Variants in SLC24A2 observed in about 807,000 individuals in gnomAD.
SLC24A2 encodes the protein sodium/potassium/calcium exchanger 2.
Under a neutral mutation model 62.0 loss-of-function variants are expected in SLC24A2, and 36 were observed. That is an observed-to-expected ratio of 0.58 (90% CI 0.44 to 0.77). SLC24A2 has a LOEUF of 0.77. SLC24A2 is among the 30% of genes least tolerant of loss of function. The probability of loss-of-function intolerance (pLI) is 0.00; values close to 1 mark genes in which losing one functional copy is unlikely to be tolerated. For missense variants in SLC24A2, 846 were observed against 817.9 expected, an observed-to-expected ratio of 1.03 and a Z score of -0.42; for synonymous variants, 358 against 294.0, an observed-to-expected ratio of 1.22 and a Z score of -2.23.
At chr9:19,644,738 TA>T (rs1165796107) in intron 2 of SLC24A2, among the ~76,000 whole-genome samples, 2 of 151,422 alleles carry the variant, frequency 1.3e-5, no homozygotes, top group African/African-American at 4.9e-5. Context: ...TGTTTTTTTT[TA>T]AAAACATGAC....
the SLC24A2 span, among the ~76,000 whole-genome samples, chr9:20,154,497 G>A: frequency 7.9e-4 from 120 of 151,788 alleles, no homozygotes; most frequent in African/African-American, 2.7e-3. Flanking sequence ...ATTTTAACAG[G>A]GTTTTGGAAT....
At chr9:19,661,853 A>T (rs761585452) in intron 2 of SLC24A2, among the ~76,000 whole-genome samples, 8 of 152,192 alleles carry the variant, frequency 5.3e-5, no homozygotes, top group Admixed American at 3.9e-4. Flanking sequence ...AACCTATGTG[A>T]GTGTAGATTC....
the SLC24A2 span, among the ~76,000 whole-genome samples, chr9:19,806,743 A>T: frequency 6.6e-6 from 1 of 152,144 alleles, no homozygotes; most frequent in Non-Finnish European, 1.5e-5. Flanking sequence ...GAGTTAATCC[A>T]TAATCTAAGA....
At chr9:19,910,590 A>C in the SLC24A2 span, among the ~76,000 whole-genome samples, 1 of 152,046 alleles carries the variant, frequency 6.6e-6, no homozygotes, top group Non-Finnish European at 1.5e-5. Flanking sequence ...TACTCTCTCT[A>C]CTTGCAGGTC....
intron 8 of SLC24A2, among the ~76,000 whole-genome samples, chr9:19,549,363 T>A (rs1393597172): frequency 6.6e-6 from 1 of 152,174 alleles, no homozygotes; most frequent in Non-Finnish European, 1.5e-5. Flanking sequence ...GTATTCTAGG[T>A]AAACTTTTTG....
the SLC24A2 span, among the ~76,000 whole-genome samples, chr9:19,902,093 G>T: frequency 6.6e-6 from 1 of 152,066 alleles, no homozygotes; most frequent in Non-Finnish European, 1.5e-5. Flanking sequence ...TTTATAATTT[G>T]GTATTTTATT....
rs528501870 is a variant in SLC24A2 at position 19,549,112 on chromosome 9, G to A, written c.1479+1025C>T. On this transcript the variant is annotated intron_variant, in intron 8 of 10. Transcript: ENST00000341998. ...ATTTGCTGATGTTGTTGCGTTCGGA[G>A]CACCCAGTATGTGATAATGGTAGAT... 3.9e-5 allele frequency among the ~76,000 whole-genome samples: 6 copies of A among 152,274 alleles called. No individual in the cohort carries two copies. In the East Asian group the frequency reaches 9.7e-4, roughly 25 times the overall value.
intron 2 of SLC24A2, among the ~76,000 whole-genome samples, chr9:19,683,286 C>A (rs1213700151): frequency 6.6e-6 from 1 of 152,136 alleles, no homozygotes; most frequent in Non-Finnish European, 1.5e-5. Context: ...AAACTGATAG[C>A]AGGAAACACA....
At chr9:19,800,288 G>A in the SLC24A2 span, among the ~76,000 whole-genome samples, 1 of 152,118 alleles carries the variant, frequency 6.6e-6, no homozygotes, top group South Asian at 2.1e-4. Context: ...CTGTAGCCTT[G>A]CCAATCCATG....
intron 2 of SLC24A2, among the ~76,000 whole-genome samples, chr9:19,690,718 C>A (rs947320102): frequency 6.6e-6 from 1 of 151,988 alleles, no homozygotes; most frequent in Non-Finnish European, 1.5e-5. Flanking sequence ...TTCCTTTTTG[C>A]ATAAATGAAC....
At chr9:20,229,692 C>T in the SLC24A2 span, among the ~76,000 whole-genome samples, 18,019 of 151,826 alleles carry the variant, frequency 0.12, 1,233 homozygotes, top group Admixed American at 0.18. Flanking sequence ...ACAGTATATT[C>T]ATTTATATTT....
chr9:19,650,780 G>A (rs916856511), intron 2 of SLC24A2, among the ~76,000 whole-genome samples: 1 of 151,622 alleles, frequency 6.6e-6, no homozygotes, highest in East Asian at 1.9e-4. Context: ...ATTCACAACC[G>A]AAATAAAAAT....
chr9:19,866,271 C>T, the SLC24A2 span, among the ~76,000 whole-genome samples: 2 of 152,168 alleles, frequency 1.3e-5, no homozygotes, highest in South Asian at 2.1e-4. Context: ...TTAGTACAGC[C>T]ACTTTGGAGA....
chr9:19,625,752 T>C (rs1001242741), intron 2 of SLC24A2, among the ~76,000 whole-genome samples: 2 of 151,140 alleles, frequency 1.3e-5, no homozygotes, highest in African/African-American at 4.9e-5. Flanking sequence ...AATGGCATGA[T>C]CTCAGCTCAC....
chr9:20,281,516 G>A, the SLC24A2 span, among the ~76,000 whole-genome samples: 1 of 152,086 alleles, frequency 6.6e-6, no homozygotes, highest in Admixed American at 6.5e-5. Context: ...TAATGCTGAT[G>A]TCTAATCACA....
At chr9:19,576,702 T>G (rs1441531466) in intron 6 of SLC24A2, among the ~76,000 whole-genome samples, 1 of 152,156 alleles carries the variant, frequency 6.6e-6, no homozygotes, top group Non-Finnish European at 1.5e-5. Context: ...GAGAATAAAT[T>G]TACTCTTCTT....
intron 2 of SLC24A2, among the ~76,000 whole-genome samples, chr9:19,656,106 A>C (rs1157484272): frequency 6.6e-6 from 1 of 152,204 alleles, no homozygotes; most frequent in African/African-American, 2.4e-5. Context: ...TGTCAGATTC[A>C]ATACTGTGAA....
chr9:20,187,001 T>G, the SLC24A2 span, among the ~76,000 whole-genome samples: 3 of 152,130 alleles, frequency 2.0e-5, no homozygotes, highest in African/African-American at 7.2e-5. Flanking sequence ...CTATGAAGAT[T>G]TTTTAAAGTA....
intron 7 of SLC24A2, among the ~76,000 whole-genome samples, chr9:19,568,694 G>A (rs545485965): frequency 1.6e-3 from 251 of 152,324 alleles, no homozygotes; most frequent in Non-Finnish European, 3.1e-3. Flanking sequence ...CTCAGAGTCT[G>A]TGTGATAGTG....
Sources: gnomAD v4.1 joint callset for allele counts (sites outside exome capture counted in the v4.1 genomes callset) on GRCh38, gnomAD v4.1.1 for gene constraint, MANE v1.5 for transcripts, NCBI Gene and HGNC (gene_info 2026-07-23, HGNC 2026-07-21) for gene names.